DMRT1: variants seen among roughly 807,000 people sequenced by gnomAD.
DMRT1 encodes doublesex and mab-3 related transcription factor 1, also known as doublesex- and mab-3-related transcription factor 1.
In DMRT1, 7 loss-of-function variants were observed where a neutral mutation model predicts 32.3. The observed-to-expected ratio is 0.22, with a 90% CI of 0.12 to 0.41. The LOEUF is 0.41. Ranked by LOEUF, DMRT1 falls within the 10% of genes least tolerant of loss-of-function variation. The probability of loss-of-function intolerance (pLI) is 1.00; values close to 1 mark genes in which losing one functional copy is unlikely to be tolerated. For synonymous variants in DMRT1, 278 were observed against 206.1 expected, an observed-to-expected ratio of 1.35 and a Z score of -2.99; for missense variants, 625 against 500.5, an observed-to-expected ratio of 1.25 and a Z score of -2.37.
chr9:879,405 G>C (rs1816641633), intron 2 of DMRT1, among the ~76,000 whole-genome samples: 1 of 152,074 alleles, frequency 6.6e-6, no homozygotes, highest in African/African-American at 2.4e-5. Flanking sequence ...ACAAGAGAGT[G>C]GCATTGTTTC....
At chr9:895,204 G>A (rs1170959153) in intron 3 of DMRT1, among the ~76,000 whole-genome samples, 3 of 152,142 alleles carry the variant, frequency 2.0e-5, no homozygotes, top group African/African-American at 4.8e-5. Context: ...AGAAGGGAGC[G>A]TTTATCTAGG....
intron 4 of DMRT1, among the ~76,000 whole-genome samples, chr9:963,136 A>G (rs549132356): frequency 6.6e-6 from 1 of 152,318 alleles, no homozygotes; most frequent in South Asian, 2.1e-4. Context: ...TGATAGTTGT[A>G]TCAACGAGGA....
At chr9:906,869 G>T (rs1340358413) in intron 3 of DMRT1, among the ~76,000 whole-genome samples, 1 of 152,200 alleles carries the variant, frequency 6.6e-6, no homozygotes, top group Non-Finnish European at 1.5e-5. Flanking sequence ...GATTTACTTT[G>T]AATCTTGCTG....
chr9:841,735 T>C lies in DMRT1; in HGVS notation c.-104T>C. On this transcript the variant is annotated 5_prime_UTR_variant, in exon 1 of 5. Coordinates refer to ENST00000382276, the MANE Select transcript of DMRT1 (RefSeq NM_021951.3). ...CTCCGGCTGCAGCGCACACGTCTCCTGCGCCTCCTCCTCCGGAGCGTCGCT... is the reference window on the plus strand; with the variant it reads ...CTCCGGCTGCAGCGCACACGTCTCCCGCGCCTCCTCCTCCGGAGCGTCGCT... 1 of 1,546,020 alleles carries C rather than the reference T, an allele frequency of 6.5e-7. No homozygotes were observed. The highest frequency in any genetic ancestry group is 8.7e-7 in the Non-Finnish European group (1 of 1,146,640).
intron 4 of DMRT1, among the ~76,000 whole-genome samples, chr9:961,612 G>T (rs1819775507): frequency 6.6e-6 from 1 of 152,198 alleles, no homozygotes; most frequent in South Asian, 2.1e-4. Context: ...GTTAACAAAG[G>T]CCGTTCAAGT....
intron 2 of DMRT1, among the ~76,000 whole-genome samples, chr9:872,700 T>C (rs533491170): frequency 2.0e-4 from 31 of 152,374 alleles, no homozygotes; most frequent in African/African-American, 7.5e-4. Flanking sequence ...TGTATGAATA[T>C]ACAACATTTC....
intron 2 of DMRT1, among the ~76,000 whole-genome samples, chr9:868,385 C>G (rs1816083394): frequency 6.6e-6 from 1 of 152,108 alleles, no homozygotes; most frequent in Non-Finnish European, 1.5e-5. Flanking sequence ...TTGATAATAT[C>G]CGGTGTATTG....
Position 916,830 on chromosome 9 carries a change from C to T in DMRT1, c.890C>T (p.Pro297Leu), listed in dbSNP as rs2129776449. 1 of 1,614,204 alleles carries T rather than the reference C, an allele frequency of 6.2e-7. No individual in the cohort carries two copies. The highest frequency in any genetic ancestry group is 8.5e-7 in the Non-Finnish European group (1 of 1,180,042). Reference protein sequence around the residue: ...QYRMHSYYPPPSYLGQSVPQF... With the variant: ...QYRMHSYYPPLSYLGQSVPQF... ...AGGATGCATTCTTACTACCCGCCTC[C>T]CTCTTACCTGGGCCAGAGCGTGCCC... The change falls in exon 4 of 5, where the codon CCC (proline) becomes CTC (leucine). Residue 297 changes from proline to leucine, a missense_variant. By Grantham distance (98) the Pro-to-Leu change is moderately conservative. This residue lies in a region of DMRT1 where 416 missense variants were observed against 321.6 expected (regional missense o/e 1.29). Coordinates refer to ENST00000382276, the MANE Select transcript of DMRT1 (RefSeq NM_021951.3).
chr9:859,367 G>T (rs1371522655), intron 2 of DMRT1, among the ~76,000 whole-genome samples: 3 of 152,102 alleles, frequency 2.0e-5, no homozygotes, highest in Non-Finnish European at 4.4e-5. Flanking sequence ...CTGATGATCT[G>T]GACTCTGAGC....
At chr9:880,233 G>A (rs1012502387) in intron 2 of DMRT1, among the ~76,000 whole-genome samples, 1 of 152,114 alleles carries the variant, frequency 6.6e-6, no homozygotes, top group Non-Finnish European at 1.5e-5. Flanking sequence ...TTTTCCTTTG[G>A]TGTGCAGAAA....
chr9:868,016 C>T (rs1018088153), intron 2 of DMRT1, among the ~76,000 whole-genome samples: 2 of 152,200 alleles, frequency 1.3e-5, no homozygotes, highest in Non-Finnish European at 2.9e-5. Context: ...GGGTCTCTAT[C>T]GCCCAGGCTG....
At chr9:859,341 A>G (rs1815549934) in intron 2 of DMRT1, among the ~76,000 whole-genome samples, 1 of 152,182 alleles carries the variant, frequency 6.6e-6, no homozygotes, top group Non-Finnish European at 1.5e-5. Flanking sequence ...CTTATGCAGT[A>G]CACTGTAAAT....
At chr9:860,819 A>G (rs78266503) in intron 2 of DMRT1, among the ~76,000 whole-genome samples, 1 of 152,302 alleles carries the variant, frequency 6.6e-6, no homozygotes, top group South Asian at 2.1e-4. Context: ...AGATCTGGGG[A>G]AAGAGCATTT....
intron 4 of DMRT1, among the ~76,000 whole-genome samples, chr9:940,315 C>T (rs1819020876): frequency 6.6e-6 from 1 of 152,118 alleles, no homozygotes; most frequent in Admixed American, 6.5e-5. Context: ...AACCCAAGTG[C>T]CCATCAACAG....
chr9:849,849 G>A (rs1291373545), intron 2 of DMRT1, among the ~76,000 whole-genome samples: 1 of 151,510 alleles, frequency 6.6e-6, no homozygotes, highest in African/African-American at 2.4e-5. Context: ...TTGAGACAGA[G>A]TTTTGCTCTT....
At chr9:956,308 AT>A (rs1564275814) in intron 4 of DMRT1, among the ~76,000 whole-genome samples, 2 of 152,172 alleles carry the variant, frequency 1.3e-5, no homozygotes, top group African/African-American at 4.8e-5. Flanking sequence ...TGGGTACAGA[AT>A]TTCAGTTTGG....
At position 957,862 on chromosome 9, in the gene DMRT1, T is replaced by C. The variant is rs181491429; in HGVS notation, c.968-10123T>C. 2.7e-3 allele frequency among the ~76,000 whole-genome samples: 413 copies of C among 151,878 alleles called. 2 individuals are homozygous for C. Among genetic ancestry groups the C allele is most frequent in the African/African-American group, 9.3e-3 (386 of 41,396 alleles). Reference sequence around the variant, plus strand: ...CTGGCTCTACTAAAAATACAAAAATTAGCCAGATGTGGTGGCGGGCGCCTG... The same window carrying C: ...CTGGCTCTACTAAAAATACAAAAATCAGCCAGATGTGGTGGCGGGCGCCTG... On this transcript the variant is annotated intron_variant, in intron 4 of 4. Transcript: ENST00000382276.
At chr9:933,341 A>C (rs1047212811) in intron 4 of DMRT1, among the ~76,000 whole-genome samples, 1 of 152,164 alleles carries the variant, frequency 6.6e-6, no homozygotes, top group East Asian at 1.9e-4. Context: ...CATCCTTAGC[A>C]CTCAGGAAAT....
At chr9:901,430 G>C (rs1162104796) in intron 3 of DMRT1, among the ~76,000 whole-genome samples, 1 of 152,044 alleles carries the variant, frequency 6.6e-6, no homozygotes, top group Non-Finnish European at 1.5e-5. Context: ...GGGTTCAAGC[G>C]ATTCTCCTGC....
Sources: allele counts gnomAD v4.1 joint callset (sites outside exome capture counted in the v4.1 genomes callset), GRCh38; gene constraint gnomAD v4.1.1; regional missense constraint gnomAD v4.1.1; transcripts MANE v1.5; gene names NCBI Gene and HGNC (gene_info 2026-07-23, HGNC 2026-07-21).